The following NFIB variants were observed in gnomAD, a reference collection of about 807,000 sequenced individuals.
NFIB encodes nuclear factor 1 B-type.
NFIB carries 11 observed loss-of-function variants against 61.5 expected under a neutral mutation model. The ratio of observed to expected loss-of-function variants is 0.18; its 90% CI spans 0.11 to 0.30. The LOEUF (loss-of-function observed/expected upper bound fraction) is 0.30, where lower values mean the gene tolerates loss of function less well. NFIB is among the 10% of genes least tolerant of loss of function. NFIB has a pLI of 1.00. For synonymous variants in NFIB, 260 were observed against 216.5 expected (o/e 1.20, Z -1.76); for missense variants, 471 against 608.9 (o/e 0.77, Z 2.38).
At chr9:14,433,839 T>A in the NFIB span, among the ~76,000 whole-genome samples, 1 of 152,196 alleles carries the variant, frequency 6.6e-6, no homozygotes, top group South Asian at 2.1e-4. Context: ...ATGCTTTCTG[T>A]TTTATTGATT....
At chr9:14,331,273 A>G (rs754468726) in intron 1 of NFIB, among the ~76,000 whole-genome samples, 14 of 152,234 alleles carry the variant, frequency 9.2e-5, no homozygotes, top group Non-Finnish European at 1.3e-4. Flanking sequence ...TTCATGATCC[A>G]GGTCATTCTA....
intron 1 of NFIB, among the ~76,000 whole-genome samples, chr9:14,388,850 G>A (rs2061586708): frequency 6.6e-6 from 1 of 152,178 alleles, no homozygotes; most frequent in African/African-American, 2.4e-5. Flanking sequence ...CACTATTTGT[G>A]TATATGACAT....
At chr9:14,169,940 C>T (rs888102776) in intron 3 of NFIB, among the ~76,000 whole-genome samples, 3 of 152,166 alleles carry the variant, frequency 2.0e-5, no homozygotes, top group Non-Finnish European at 2.9e-5. Context: ...GGAGATTTGT[C>T]CAAGATCTTT....
intron 3 of NFIB, among the ~76,000 whole-genome samples, chr9:14,176,611 G>A (rs541289743): frequency 2.6e-5 from 4 of 151,946 alleles, no homozygotes; most frequent in South Asian, 2.1e-4. Context: ...CCAAAAATGC[G>A]TTGCCTTTGC....
chr9:14,506,702 T>A, the NFIB span, among the ~76,000 whole-genome samples: 1 of 152,176 alleles, frequency 6.6e-6, no homozygotes, highest in Admixed American at 6.5e-5. Flanking sequence ...ACTGTACCCC[T>A]AAAACTCCAC....
At chr9:14,193,027 A>G (rs1587481800) in intron 2 of NFIB, among the ~76,000 whole-genome samples, 1 of 151,810 alleles carries the variant, frequency 6.6e-6, no homozygotes, top group African/African-American at 2.4e-5. Flanking sequence ...TCATCTTTTA[A>G]AAAAAAGATG....
At chr9:14,145,246 C>A (rs2042160287) in intron 6 of NFIB, among the ~76,000 whole-genome samples, 1 of 152,092 alleles carries the variant, frequency 6.6e-6, no homozygotes, top group African/African-American at 2.4e-5. Context: ...ATGGCACACA[C>A]AGCCATTCTC....
At chr9:14,124,267 G>C (rs1478633114) in intron 7 of NFIB, among the ~76,000 whole-genome samples, 2 of 152,086 alleles carry the variant, frequency 1.3e-5, no homozygotes, top group African/African-American at 2.4e-5. Flanking sequence ...TGGGTGATTT[G>C]ACTTCTCAGT....
chr9:14,365,093 A>T (rs1360424095), intron 1 of NFIB, among the ~76,000 whole-genome samples: 1 of 152,190 alleles, frequency 6.6e-6, no homozygotes, highest in East Asian at 1.9e-4. Flanking sequence ...AAATAACACT[A>T]CCCATGTAAA....
At chr9:14,166,449 C>T (rs1463606646) in intron 3 of NFIB, among the ~76,000 whole-genome samples, 2 of 152,014 alleles carry the variant, frequency 1.3e-5, no homozygotes, top group African/African-American at 2.4e-5. Context: ...TATTTAATGT[C>T]GATAAAAGGA....
At chr9:14,434,402 C>G in the NFIB span, among the ~76,000 whole-genome samples, 1 of 152,210 alleles carries the variant, frequency 6.6e-6, no homozygotes, top group Non-Finnish European at 1.5e-5. Context: ...GTCTGAGCCT[C>G]TTTTGTGCAT....
chr9:14,314,282 C>T, upstream of NFIB: 2 of 446,008 alleles, frequency 4.5e-6, no homozygotes, highest in Non-Finnish European at 6.0e-6. Context: ...TGGTCCCCGG[C>T]AGCAGCAGCC....
chr9:14,450,825 T>C, the NFIB span, among the ~76,000 whole-genome samples: 2 of 152,272 alleles, frequency 1.3e-5, no homozygotes, highest in Non-Finnish European at 2.9e-5. Context: ...GATTCTCATA[T>C]ATTTCAGTTG....
rs71491637 is a variant in NFIB, at chr9:14,187,027, A to ATGTG, written c.563-7251_563-7248dup. 8.3e-3 allele frequency among the ~76,000 whole-genome samples: 506 copies of ATGTG among 60,972 alleles called. 6 individuals are homozygous for ATGTG. The highest frequency in any genetic ancestry group is 0.026 in the South Asian group (32 of 1,254). 40.0% of individuals were successfully genotyped at this position (60,972 alleles called of 152,430 possible). Reference sequence around the variant, plus strand: ...CTCCTGTGTGTGTGTGTGTGTGTGTATGTGTGTGTGTGTGTGTGTGTGTGT... The same window carrying ATGTG: ...CTCCTGTGTGTGTGTGTGTGTGTGTATGTGTGTGTGTGTGTGTGTGTGTGTGTGT... On this transcript the variant is annotated intron_variant, in intron 2 of 10. Coordinates refer to ENST00000380953, the MANE Select transcript of NFIB (RefSeq NM_001190737.2).
At chr9:14,530,413 G>GGAGAGA in the NFIB span, among the ~76,000 whole-genome samples, 172 of 149,630 alleles carry the variant, frequency 1.1e-3, 1 homozygote, top group African/African-American at 3.8e-3. Flanking sequence ...AAAGAGAGAG[G>GGAGAGA]GAGAGAGAGA....
rs1180955516 is a variant in NFIB, at chr9:14,314,123, G to A, written c.-612C>T. 1.3e-5 allele frequency: 13 copies of A among 1,029,548 alleles called. No individual in the cohort carries two copies. The highest frequency in any genetic ancestry group is 3.4e-5 in the African/African-American group (2 of 58,100). 63.8% of individuals were successfully genotyped at this position (1,029,548 alleles called of 1,614,324 possible). Reference sequence around the variant, plus strand: ...CGAGCCGACCATGTGTGTGCGCGAGGGGCAGCGTGAGCGAGTGCGCGCGGG... The same window carrying A: ...CGAGCCGACCATGTGTGTGCGCGAGAGGCAGCGTGAGCGAGTGCGCGCGGG... On this transcript the variant is annotated 5_prime_UTR_variant, in exon 1 of 11. Coordinates refer to ENST00000380953, the MANE Select transcript of NFIB (RefSeq NM_001190737.2).
chr9:14,315,333 T>G (rs1319549895), upstream of NFIB, among the ~76,000 whole-genome samples: 2 of 150,918 alleles, frequency 1.3e-5, no homozygotes, highest in Non-Finnish European at 3.0e-5. Flanking sequence ...GGCCTCGCTC[T>G]GAGCGGGAGG....
chr9:14,365,672 G>C (rs745481894), intron 1 of NFIB, among the ~76,000 whole-genome samples: 1 of 152,138 alleles, frequency 6.6e-6, no homozygotes, highest in Non-Finnish European at 1.5e-5. Context: ...TTGGCCAGAC[G>C]TTTGTTCTAG....
At chr9:14,259,393 C>G (rs1418145328) in intron 2 of NFIB, among the ~76,000 whole-genome samples, 1 of 152,144 alleles carries the variant, frequency 6.6e-6, no homozygotes, top group Non-Finnish European at 1.5e-5. Flanking sequence ...TGTCAAAGAC[C>G]TGCTACATAT....
Sources: gnomAD v4.1 joint callset for allele counts (sites outside exome capture counted in the v4.1 genomes callset) on GRCh38, gnomAD v4.1.1 for gene constraint, MANE v1.5 for transcripts, NCBI Gene and HGNC (gene_info 2026-07-23, HGNC 2026-07-21) for gene names.